Variants in SPHKAP observed in about 807,000 individuals in gnomAD.
The protein encoded by SPHKAP is A-kinase anchor protein SPHKAP.
SPHKAP carries 67 observed loss-of-function variants against 137.5 expected under a neutral mutation model. That is an observed-to-expected ratio of 0.49 (90% CI 0.40 to 0.60). The LOEUF (loss-of-function observed/expected upper bound fraction) is 0.60, where lower values mean the gene tolerates loss of function less well. SPHKAP is among the 20% of genes least tolerant of loss of function. SPHKAP has a pLI of 0.00. For synonymous variants in SPHKAP, 813 were observed against 785.3 expected (o/e 1.04, Z -0.59); for missense variants, 2,097 against 2,069.3 (o/e 1.01, Z -0.26).
chr2:227,999,031 G>T (rs1465809221), intron 7 of SPHKAP, among the ~76,000 whole-genome samples: 1 of 152,162 alleles, frequency 6.6e-6, no homozygotes, highest in Admixed American at 6.6e-5. Context: ...CGTTCTCTGA[G>T]AATGGTTATA....
chr2:228,102,639 A>G (rs1171603611), intron 3 of SPHKAP, among the ~76,000 whole-genome samples: 1 of 152,250 alleles, frequency 6.6e-6, no homozygotes, highest in Non-Finnish European at 1.5e-5. Flanking sequence ...CCTGCACTCC[A>G]TACAGTATTT....
intron 2 of SPHKAP, among the ~76,000 whole-genome samples, chr2:228,118,767 T>C (rs969788520): frequency 6.6e-6 from 1 of 152,188 alleles, no homozygotes; most frequent in Non-Finnish European, 1.5e-5. Context: ...ATGCCATCCA[T>C]ATTAAGTTTT....
At chr2:228,074,934 G>A (rs1187398091) in intron 3 of SPHKAP, among the ~76,000 whole-genome samples, 1 of 151,864 alleles carries the variant, frequency 6.6e-6, no homozygotes, top group Non-Finnish European at 1.5e-5. Context: ...AACACAGCAT[G>A]AGATACCCAA....
chr2:228,078,431 T>C (rs1039252449), intron 3 of SPHKAP, among the ~76,000 whole-genome samples: 1 of 147,442 alleles, frequency 6.8e-6, no homozygotes, highest in African/African-American at 2.5e-5. Context: ...ATTTTCAACA[T>C]ACACACCGTA....
At chr2:228,153,365 G>C (rs1381576378) in intron 1 of SPHKAP, among the ~76,000 whole-genome samples, 1 of 152,020 alleles carries the variant, frequency 6.6e-6, no homozygotes, top group East Asian at 1.9e-4. Flanking sequence ...TCATATCTGA[G>C]ATTGTCTTTC....
chr2:228,066,777 A>G (rs542223856), intron 3 of SPHKAP, among the ~76,000 whole-genome samples: 1 of 152,338 alleles, frequency 6.6e-6, no homozygotes, highest in East Asian at 1.9e-4. Flanking sequence ...CCATTCTTCC[A>G]TGATAAATTT....
chr2:228,066,776 CATG>C (rs1696839503), intron 3 of SPHKAP, among the ~76,000 whole-genome samples: 1 of 152,192 alleles, frequency 6.6e-6, no homozygotes, highest in South Asian at 2.1e-4. Context: ...TCCATTCTTC[CATG>C]ATAAATTTTC....
Position 228,046,708 on chromosome 2 carries a change from T to C in SPHKAP, c.247-19165A>G, listed in dbSNP as rs143585078. On this transcript the variant is annotated intron_variant, in intron 3 of 11. Coordinates refer to ENST00000392056, the MANE Select transcript of SPHKAP (RefSeq NM_001142644.2). ...CAGAAAACAACAACAACAAAAAGAA[T>C]AAAGAAAAATTCTTTGTAATATCAT... 8.2e-4 allele frequency among the ~76,000 whole-genome samples: 125 copies of C among 152,294 alleles called. 1 individual carries two copies. Among genetic ancestry groups the C allele is most frequent in the Middle Eastern group, 3.4e-3 (1 of 294 alleles).
chr2:228,101,121 A>G (rs1559173885), intron 3 of SPHKAP, among the ~76,000 whole-genome samples: 1 of 152,096 alleles, frequency 6.6e-6, no homozygotes, highest in African/African-American at 2.4e-5. Context: ...TTAACACTCA[A>G]CTATTTTCTT....
Position 228,171,837 on chromosome 2 carries a change from C to A in SPHKAP, c.32+9730G>T, listed in dbSNP as rs573302148. 7.9e-5 allele frequency among the ~76,000 whole-genome samples: 12 copies of A among 152,180 alleles called. No individual in the cohort carries two copies. The South Asian group carries it at 2.3e-3, about 29-fold the overall frequency. Reference sequence around the variant, plus strand: ...TGTCTGCTCAATAAATGTTGACTGACAATTGACTCTTGAATCTTCTTACTC... The same window carrying A: ...TGTCTGCTCAATAAATGTTGACTGAAAATTGACTCTTGAATCTTCTTACTC... On this transcript the variant is annotated intron_variant, in intron 1 of 11. Coordinates refer to ENST00000392056, the MANE Select transcript of SPHKAP (RefSeq NM_001142644.2).
At chr2:228,135,692 T>G (rs1699417660) in intron 1 of SPHKAP, among the ~76,000 whole-genome samples, 1 of 152,228 alleles carries the variant, frequency 6.6e-6, no homozygotes, top group Non-Finnish European at 1.5e-5. Flanking sequence ...ATGCTAAGCC[T>G]GTATAGCATT....
rs1559339809 is a variant in SPHKAP at position 228,001,538 on chromosome 2, A to AG, written c.4449-5845_4449-5844insC. On this transcript the variant is annotated intron_variant, in intron 7 of 11. Transcript: ENST00000392056. ...ATAAGAATATATATACATATATATA[A>AG]AAATATACATATATATAAAAATATA... Among the ~76,000 whole-genome samples the AG allele has an allele frequency of 4.5e-3, 658 of 144,828 alleles. 3 individuals are homozygous for AG. The highest frequency in any genetic ancestry group is 0.016 in the African/African-American group (630 of 39,356).
chr2:228,043,385 G>C (rs545927548), intron 3 of SPHKAP, among the ~76,000 whole-genome samples: 2 of 152,336 alleles, frequency 1.3e-5, no homozygotes, highest in South Asian at 4.1e-4. Flanking sequence ...GGAGTGCAGT[G>C]GCACGATCTC....
chr2:228,100,826 G>T (rs1345341505), intron 3 of SPHKAP, among the ~76,000 whole-genome samples: 1 of 152,072 alleles, frequency 6.6e-6, no homozygotes, highest in Non-Finnish European at 1.5e-5. Context: ...TTGTGTGTTT[G>T]CCAGATTTTG....
chr2:228,046,975 TA>T (rs1210016192), intron 3 of SPHKAP, among the ~76,000 whole-genome samples: 1 of 152,156 alleles, frequency 6.6e-6, no homozygotes, highest in East Asian at 1.9e-4. Context: ...AATAAAAGCA[TA>T]AAAAATATTC....
intron 11 of SPHKAP, among the ~76,000 whole-genome samples, chr2:227,987,786 A>G (rs1428311809): frequency 6.6e-6 from 1 of 152,164 alleles, no homozygotes; most frequent in Non-Finnish European, 1.5e-5. Flanking sequence ...GTTCCCTAGC[A>G]CATACCTCCC....
At chr2:228,011,228 C>T (rs1233248877) in intron 7 of SPHKAP, among the ~76,000 whole-genome samples, 1 of 80,274 alleles carries the variant, frequency 1.2e-5, no homozygotes, top group Non-Finnish European at 2.5e-5. Context: ...CTCAAAGATG[C>T]CTTTTTTTTT....
intron 1 of SPHKAP, among the ~76,000 whole-genome samples, chr2:228,174,484 C>T (rs1000809908): frequency 1.1e-4 from 16 of 152,104 alleles, no homozygotes; most frequent in Admixed American, 9.2e-4. Flanking sequence ...GTTTGAAATC[C>T]TAGAGACCAA....
intron 3 of SPHKAP, among the ~76,000 whole-genome samples, chr2:228,078,593 C>A (rs975341161): frequency 1.3e-5 from 2 of 152,126 alleles, no homozygotes; most frequent in African/African-American, 4.8e-5. Context: ...AACACTCCTA[C>A]ACCTACAGAA....
Sources: gnomAD v4.1 joint callset for allele counts (sites outside exome capture counted in the v4.1 genomes callset) on GRCh38, gnomAD v4.1.1 for gene constraint, MANE v1.5 for transcripts, NCBI Gene and HGNC (gene_info 2026-07-23, HGNC 2026-07-21) for gene names.